AAK1: variants seen among roughly 807,000 people sequenced by gnomAD.
AAK1 encodes the protein AP2 associated kinase 1.
Under a neutral mutation model 116.0 loss-of-function variants are expected in AAK1, and 37 were observed. The observed-to-expected ratio is 0.32, with a 90% CI of 0.25 to 0.42. The LOEUF is 0.42. Ranked by LOEUF, AAK1 falls within the 10% of genes least tolerant of loss-of-function variation. The pLI, the probability that AAK1 is intolerant of heterozygous loss-of-function variation, is 1.00. For synonymous variants in AAK1, 458 were observed against 439.9 expected, an observed-to-expected ratio of 1.04 and a Z score of -0.51; for missense variants, 919 against 1,170.6, an observed-to-expected ratio of 0.79 and a Z score of 3.14.
chr2:69,476,163 C>A (rs1674849949), intron 21 of AAK1, among the ~76,000 whole-genome samples, 200 bp from the exon 22 acceptor site: 1 of 152,136 alleles, frequency 6.6e-6, no homozygotes, highest in African/African-American at 2.4e-5. Context: ...TAGCTGTCCA[C>A]CACCTCCCAC....
chr2:69,467,835 A>G lies in AAK1; in HGVS notation c.*8034T>C. 3 of 985,418 alleles carry G rather than the reference A, an allele frequency of 3.0e-6. No individual in the cohort carries two copies. The highest frequency in any genetic ancestry group is 4.7e-5 in the South Asian group (1 of 21,292). The allele number at this position is 985,418 out of a possible 1,614,324, so 61.0% of individuals were successfully genotyped here. A position where few individuals can be genotyped will look rare whatever the true frequency, so the allele number is the denominator to read the frequency against. ...GAAACCAGTCACTTAGAGACATTACATTGTAAAGAGAATGTAGAGAGAGGT... is the reference window on the plus strand; with the variant it reads ...GAAACCAGTCACTTAGAGACATTACGTTGTAAAGAGAATGTAGAGAGAGGT... On this transcript the variant is annotated 3_prime_UTR_variant, in exon 22 of 22. Coordinates refer to ENST00000409085, the MANE Select transcript of AAK1 (RefSeq NM_014911.5).
chr2:69,599,279 T>C (rs970485524), intron 2 of AAK1, among the ~76,000 whole-genome samples: 1 of 151,268 alleles, frequency 6.6e-6, no homozygotes, highest in African/African-American at 2.4e-5. Context: ...CATTAGTCCA[T>C]AATAAGAAAG....
chr2:69,521,431 C>A (rs563334029), intron 10 of AAK1, among the ~76,000 whole-genome samples: 3 of 152,228 alleles, frequency 2.0e-5, no homozygotes, highest in Non-Finnish European at 4.4e-5. Context: ...AACTTGGCTG[C>A]AACTAGCTGT....
intron 5 of AAK1, among the ~76,000 whole-genome samples, chr2:69,540,247 A>T (rs1037875317): frequency 6.0e-5 from 9 of 151,186 alleles, no homozygotes; most frequent in Non-Finnish European, 1.0e-4. Flanking sequence ...TCAGCCGCCT[A>T]AGTAGCTGGG....
rs928428273 is a variant in AAK1 at position 69,459,847 on chromosome 2, G to A, written c.*16022C>T. 6.6e-6 allele frequency: 1 copy of A among 151,834 alleles called. No individual in the cohort carries two copies. Among genetic ancestry groups the A allele is most frequent in the Non-Finnish European group, 1.5e-5 (1 of 67,966 alleles). 9.4% of individuals were successfully genotyped at this position (151,834 alleles called of 1,614,324 possible). ...TTTGAAACTCTTCTTTTCCTTTAGT[G>A]ATGTTTTCAGTAACAAACTTGCAAG... is the stretch of plus-strand genomic sequence containing the variant. On this transcript the variant is annotated 3_prime_UTR_variant, in exon 22 of 22. Coordinates refer to ENST00000409085, the MANE Select transcript of AAK1 (RefSeq NM_014911.5).
intron 13 of AAK1, among the ~76,000 whole-genome samples, chr2:69,510,598 C>T (rs1004646736): frequency 6.6e-6 from 1 of 152,158 alleles, no homozygotes; most frequent in African/African-American, 2.4e-5. Context: ...TAGTAGTTCT[C>T]TTTTTAGCTC....
intron 2 of AAK1, among the ~76,000 whole-genome samples, chr2:69,559,000 T>C (rs542834844): frequency 2.7e-4 from 40 of 149,662 alleles, no homozygotes; most frequent in Non-Finnish European, 3.5e-4. Flanking sequence ...CTATTGCACG[T>C]TTTCATAAAA....
intron 12 of AAK1, among the ~76,000 whole-genome samples, chr2:69,515,711 C>G (rs1038553668): frequency 2.6e-5 from 4 of 152,114 alleles, no homozygotes; most frequent in African/African-American, 9.7e-5. Context: ...TAAGGGCCTG[C>G]TGATGAACTA....
Position 69,643,266 on chromosome 2 carries a change from A to C in AAK1, c.-226T>G. 1 of 1,400,698 alleles carries C rather than the reference A, an allele frequency of 7.1e-7. No homozygotes were observed. The highest frequency in any genetic ancestry group is 1.7e-5 in the South Asian group (1 of 58,646). 86.8% of individuals were successfully genotyped at this position (1,400,698 alleles called of 1,614,324 possible). A position where few individuals can be genotyped will look rare whatever the true frequency, so the allele number is the denominator to read the frequency against. On this transcript the variant is annotated 5_prime_UTR_variant, in exon 2 of 22. Transcript: ENST00000409085. ...CCTCCTCCAGAAAGCGATTCGTGTAAGTTTAAACCTGTGATGACAGAGGAA... is the reference window on the plus strand; with the variant it reads ...CCTCCTCCAGAAAGCGATTCGTGTACGTTTAAACCTGTGATGACAGAGGAA...
At chr2:69,556,063 T>A (rs1671373430) in intron 3 of AAK1, among the ~76,000 whole-genome samples, 1 of 152,336 alleles carries the variant, frequency 6.6e-6, no homozygotes, top group African/African-American at 2.4e-5. Flanking sequence ...TTTAAACATA[T>A]AAATCTGCAT....
intron 16 of AAK1, 43 bp downstream of exon 16, chr2:69,505,526 T>C: frequency 1.9e-6 from 3 of 1,540,004 alleles, no homozygotes; most frequent in Non-Finnish European, 2.7e-6. Flanking sequence ...AGTGTGAAGG[T>C]AACAACAGTG....
At chr2:69,476,109 T>C in intron 21 of AAK1, 146 bp from the exon 22 acceptor site, 2 of 1,427,138 alleles carry the variant, frequency 1.4e-6, no homozygotes, top group Non-Finnish European at 1.8e-6. Context: ...AAGCAATATT[T>C]TACATTTGCA....
chr2:69,525,250 G>A lies in AAK1; in HGVS notation c.976-138C>T, dbSNP rs574959155. The A allele has an allele frequency of 2.5e-5, 19 of 761,214 alleles. No homozygotes were observed. In the African/African-American group the frequency reaches 3.3e-4, roughly 13 times the overall value. The allele number at this position is 761,214 out of a possible 1,614,324, so 47.2% of individuals were successfully genotyped here. ...TTCTGGAGCAGCTTCCAGGCCCTGA[G>A]CTCTGTCTGGTAGAGGGAAGGAAAG... On this transcript the variant is annotated intron_variant, in intron 9 of 21. Coordinates refer to ENST00000409085, the MANE Select transcript of AAK1 (RefSeq NM_014911.5).
chr2:69,500,038 ATTT>A (rs1675909565), intron 16 of AAK1: 2 of 152,194 alleles, frequency 1.3e-5, no homozygotes, highest in Admixed American at 6.5e-5. Context: ...ACAGTCTGTC[ATTT>A]TTGCAGCTTT....
At chr2:69,499,189 A>G (rs188083840) in intron 16 of AAK1, among the ~76,000 whole-genome samples, 187 of 151,908 alleles carry the variant, frequency 1.2e-3, no homozygotes, top group Non-Finnish European at 2.4e-3. Flanking sequence ...GTCACCTCCA[A>G]CCCCCACTGA....
chr2:69,553,932 C>T (rs1029610683), intron 3 of AAK1, among the ~76,000 whole-genome samples: 2 of 151,202 alleles, frequency 1.3e-5, no homozygotes, highest in Non-Finnish European at 2.9e-5. Flanking sequence ...AAAAAAATAG[C>T]TGGGTCTGGT....
At chr2:69,476,016 G>A in intron 21 of AAK1, 53 bp from the exon 22 acceptor site, 1 of 1,556,844 alleles carries the variant, frequency 6.4e-7, no homozygotes, top group East Asian at 2.3e-5. Context: ...TTAAGGTTTA[G>A]ATGTGCAGAG....
In AAK1 at chr2:69,471,443, C is replaced by G. The variant is rs1004877983; in HGVS notation, c.*4426G>C. On this transcript the variant is annotated 3_prime_UTR_variant, in exon 22 of 22. Coordinates refer to ENST00000409085, the MANE Select transcript of AAK1 (RefSeq NM_014911.5). ...TGACTTTGTGTTGATAAAATTATAG[C>G]CTTTAGAGAGGAATAAAGATAGCTT... 3 of 985,270 alleles carry G rather than the reference C, an allele frequency of 3.0e-6. No individual in the cohort carries two copies. Among genetic ancestry groups the G allele is most frequent in the African/African-American group, 1.7e-5 (1 of 57,226 alleles). 61.0% of individuals were successfully genotyped at this position (985,270 alleles called of 1,614,324 possible). A position where few individuals can be genotyped will look rare whatever the true frequency, so the allele number is the denominator to read the frequency against.
At chr2:69,489,064 T>A (rs536581196) in intron 17 of AAK1, among the ~76,000 whole-genome samples, 50 of 151,062 alleles carry the variant, frequency 3.3e-4, no homozygotes, top group African/African-American at 1.2e-3. Context: ...CAGTCTCATC[T>A]CAAACTCCTG....
Sources: allele counts gnomAD v4.1 joint callset (sites outside exome capture counted in the v4.1 genomes callset), GRCh38; gene constraint gnomAD v4.1.1; transcripts MANE v1.5; gene names NCBI Gene and HGNC (gene_info 2026-07-23, HGNC 2026-07-21).